Variants in GLYR1 observed in about 807,000 individuals in gnomAD.
GLYR1 encodes glyoxylate reductase 1 homolog.
GLYR1 carries 21 observed loss-of-function variants against 72.7 expected under a neutral mutation model. That is an observed-to-expected ratio of 0.29 (90% CI 0.20 to 0.42). The LOEUF (loss-of-function observed/expected upper bound fraction) is 0.42, where lower values mean the gene tolerates loss of function less well. GLYR1 is among the 10% of genes least tolerant of loss of function. The pLI is 1.00. For missense variants in GLYR1, 594 were observed against 712.1 expected (o/e 0.83, Z 1.89); for synonymous variants, 392 against 270.2 (o/e 1.45, Z -4.42).
chr16:4,813,684 C>A, intron 12 of GLYR1, 53 bp downstream of exon 12: 2 of 1,465,776 alleles, frequency 1.4e-6, no homozygotes, highest in Non-Finnish European at 9.4e-7. Flanking sequence ...AAGCCTGGGT[C>A]TTGGGCTCTG....
Position 4,823,901 on chromosome 16 carries a change from T to G in GLYR1, c.544A>C (p.Thr182Pro), listed in dbSNP as rs780837314. 5 of 1,613,380 alleles carry G rather than the reference T, an allele frequency of 3.1e-6. No homozygotes were observed. In the East Asian group the frequency reaches 1.1e-4, roughly 36 times the overall value. Reference protein sequence around the residue: ...GRPPKDEKDLTIPESSTVKGM... With the variant: ...GRPPKDEKDLPIPESSTVKGM... ...TTCACGGTACTAGACTCCGGGATGG[T>G]GAGATCCTATAGAGGGAGGGGCAGG... The change falls in exon 6 of 16, where the codon ACC (threonine) becomes CCC (proline). Residue 182 changes from threonine (T) to proline (P), a missense_variant. By Grantham distance (38) the Thr-to-Pro change is conservative. This residue lies in a region of GLYR1 where 252 missense variants were observed against 211.3 expected (regional missense o/e 1.19). Transcript: ENST00000321919.
intron 15 of GLYR1, among the ~76,000 whole-genome samples, chr16:4,806,719 C>T (rs533989335): frequency 1.9e-4 from 29 of 151,880 alleles, no homozygotes; most frequent in Middle Eastern, 3.4e-3. Context: ...AGGATTTATA[C>T]CGCAATCTGT....
intron 5 of GLYR1, among the ~76,000 whole-genome samples, chr16:4,826,958 C>T (rs1195021990): frequency 1.3e-5 from 2 of 152,288 alleles, no homozygotes; most frequent in East Asian, 3.9e-4. Context: ...TTCTGCTCCT[C>T]GTGTGAGTAT....
intron 4 of GLYR1, 124 bp from the exon 5 acceptor site, chr16:4,832,345 A>G: frequency 4.2e-6 from 5 of 1,181,244 alleles, no homozygotes; most frequent in Non-Finnish European, 4.8e-6. Flanking sequence ...TGACCCTAGA[A>G]ATAGATTCTG....
chr16:4,828,593 T>C (rs1596363626), intron 5 of GLYR1, among the ~76,000 whole-genome samples: 1 of 152,050 alleles, frequency 6.6e-6, no homozygotes, highest in East Asian at 1.9e-4. Flanking sequence ...GACGAGTTCC[T>C]GTAAGCCTGG....
Position 4,823,186 on chromosome 16 carries a change from A to G in GLYR1, c.625-255T>C, listed in dbSNP as rs543359963. ...CTAGGTTGGTACACAAATTATTCCA[A>G]TGAGCCTGTGGGAAAATATTAACAA... On this transcript the variant is annotated intron_variant, in intron 6 of 15. Transcript: ENST00000321919. Among the ~76,000 whole-genome samples the G allele has an allele frequency of 2.0e-5, 3 of 152,376 alleles. No homozygotes were observed. The East Asian group carries it at 5.8e-4, about 29-fold the overall frequency.
rs143624351 is a variant in GLYR1 at position 4,804,933 on chromosome 16, C to CTGTGTGTGTGTGTGTG, written c.*287_*302dup. The CTGTGTGTGTGTGTGTG allele has an allele frequency of 1.7e-3, 497 of 297,482 alleles. 4 individuals carry two copies. Among genetic ancestry groups the CTGTGTGTGTGTGTGTG allele is most frequent in the African/African-American group, 2.6e-3 (120 of 46,222 alleles). 18.4% of individuals were successfully genotyped at this position (297,482 alleles called of 1,614,324 possible). The stretch of plus-strand genomic sequence containing the variant: ...GCAGCTTCTATCCTGGGGCGAGAGC[C>CTGTGTGTGTGTGTGTG]TGTGTGTGTGTGTGTGTGTGTGTGT... On this transcript the variant is annotated 3_prime_UTR_variant, in exon 16 of 16. Coordinates refer to ENST00000321919, the MANE Select transcript of GLYR1 (RefSeq NM_032569.4).
At chr16:4,831,236 C>T (rs1057038496) in intron 5 of GLYR1, among the ~76,000 whole-genome samples, 3 of 152,152 alleles carry the variant, frequency 2.0e-5, no homozygotes, top group African/African-American at 7.2e-5. Context: ...CAATTACCCC[C>T]TTATGAATGC....
At chr16:4,826,785 A>G (rs1409532424) in intron 5 of GLYR1, among the ~76,000 whole-genome samples, 2 of 152,238 alleles carry the variant, frequency 1.3e-5, no homozygotes, top group East Asian at 1.9e-4. Flanking sequence ...TTTAATGTGC[A>G]TTTAATTTCA....
In GLYR1 at chr16:4,811,792, G is replaced by A. The variant is rs371241430; in HGVS notation, c.1293C>T (p.Gly431=). The A allele has an allele frequency of 8.1e-6, 13 of 1,612,684 alleles. No individual in the cohort carries two copies. The highest frequency in any genetic ancestry group is 3.3e-5 in the Admixed American group (2 of 59,802). Residue 431 remains glycine, a synonymous_variant, in exon 14 of 16, where the codon GGC becomes GGT. Coordinates refer to ENST00000321919, the MANE Select transcript of GLYR1 (RefSeq NM_032569.4). The part of the protein sequence containing the change: ...GKTSFFLGEV[G]NAAKMMLIVN... ...CGATCAGCATCATCTTGGCTGCATTGCCCACTTCACCTGCCCAGGGTAAAG... is the reference window on the plus strand; with the variant it reads ...CGATCAGCATCATCTTGGCTGCATTACCCACTTCACCTGCCCAGGGTAAAG...
chr16:4,821,056 AC>A, intron 9 of GLYR1: 2 of 425,734 alleles, frequency 4.7e-6, no homozygotes. Flanking sequence ...CTTGGGCCCC[AC>A]CCGGACATAT....
chr16:4,820,382 C>A (rs2083934021), intron 9 of GLYR1, among the ~76,000 whole-genome samples: 1 of 152,172 alleles, frequency 6.6e-6, no homozygotes, highest in Admixed American at 6.6e-5. Flanking sequence ...TGGGCAACAA[C>A]AAAACTGGTT....
intron 15 of GLYR1, among the ~76,000 whole-genome samples, chr16:4,809,195 T>C (rs868490140): frequency 0.012 from 1,698 of 141,818 alleles, 54 homozygotes; most frequent in African/African-American, 0.041. Flanking sequence ...TTCGTTTTTT[T>C]TTTTTTTTTT....
intron 3 of GLYR1, chr16:4,833,240 T>C: frequency 5.3e-6 from 1 of 190,374 alleles, no homozygotes; most frequent in Non-Finnish European, 1.1e-5. Flanking sequence ...ACGCTGCCAC[T>C]TGCTCAGGGC....
intron 3 of GLYR1, among the ~76,000 whole-genome samples, chr16:4,834,283 T>G (rs1229375424): frequency 6.0e-5 from 9 of 150,654 alleles, no homozygotes. Flanking sequence ...ACTAGAGGAG[T>G]TAGGCAAATT....
At chr16:4,826,251 T>A (rs2084373565) in intron 5 of GLYR1, among the ~76,000 whole-genome samples, 1 of 152,200 alleles carries the variant, frequency 6.6e-6, no homozygotes, top group African/African-American at 2.4e-5. Flanking sequence ...TATTATTTAT[T>A]TGCAATTATT....
In GLYR1 at chr16:4,846,836, T is replaced by C. The variant is rs542329828; in HGVS notation, c.38+392A>G. 3.5e-3 allele frequency: 1,048 copies of C among 298,958 alleles called. 3 individuals are homozygous for C. Among genetic ancestry groups the C allele is most frequent in the Admixed American group, 5.2e-3 (101 of 19,246 alleles). The allele number at this position is 298,958 out of a possible 1,614,324, so 18.5% of individuals were successfully genotyped here. ...CATCGCAACCTGGGCTTTGACCGAATGGCACCGGCCAGATCTCGCAGGTCC... is the reference window on the plus strand; with the variant it reads ...CATCGCAACCTGGGCTTTGACCGAACGGCACCGGCCAGATCTCGCAGGTCC... On this transcript the variant is annotated intron_variant, in intron 1 of 15. Transcript: ENST00000321919.
intron 3 of GLYR1, among the ~76,000 whole-genome samples, chr16:4,833,776 G>A (rs1404287454): frequency 6.6e-6 from 1 of 152,170 alleles, no homozygotes; most frequent in East Asian, 1.9e-4. Flanking sequence ...GTCAATTCTG[G>A]GGTTTCTGAT....
intron 7 of GLYR1, among the ~76,000 whole-genome samples, chr16:4,822,435 G>C (rs1204753196): frequency 6.6e-6 from 1 of 151,798 alleles, no homozygotes; most frequent in East Asian, 1.9e-4. Context: ...CTGTTGCCCA[G>C]TCTGGAGTGC....
Sources: gnomAD v4.1 joint callset for allele counts (sites outside exome capture counted in the v4.1 genomes callset) on GRCh38, gnomAD v4.1.1 for gene constraint, gnomAD v4.1.1 regional missense constraint, MANE v1.5 for transcripts, NCBI Gene and HGNC (gene_info 2026-07-23, HGNC 2026-07-21) for gene names.